The following TENM2 variants were observed in gnomAD, a reference collection of about 807,000 sequenced individuals.
TENM2 encodes the protein teneurin-2.
In TENM2, 52 loss-of-function variants were observed where a neutral mutation model predicts 245.2. That is an observed-to-expected ratio of 0.21 (90% CI 0.17 to 0.27). The LOEUF is 0.27. Ranked by LOEUF, TENM2 falls within the 10% of genes least tolerant of loss-of-function variation. The pLI is 1.00. For missense variants in TENM2, 3,046 were observed against 3,666.8 expected, an observed-to-expected ratio of 0.83 and a Z score of 4.37; for synonymous variants, 1,363 against 1,438.9, an observed-to-expected ratio of 0.95 and a Z score of 1.19.
rs529634855 is a variant in TENM2, at chr5:167,449,672, A to G, written c.502+74199A>G. Among the ~76,000 whole-genome samples, 4 of 152,198 alleles carry G rather than the reference A, an allele frequency of 2.6e-5. No individual in the cohort carries two copies. In the East Asian group the frequency reaches 7.7e-4, roughly 29 times the overall value. On this transcript the variant is annotated intron_variant, in intron 2 of 28. Transcript: ENST00000518659. Reference sequence around the variant, plus strand: ...GAATTTTATAATGAAAAGAAAAGAAATGGGGCCAGGTGCAGTGGCTCATGC... The same window carrying G: ...GAATTTTATAATGAAAAGAAAAGAAGTGGGGCCAGGTGCAGTGGCTCATGC...
At chr5:167,566,074 C>G (rs527869800) in intron 2 of TENM2, among the ~76,000 whole-genome samples, 1 of 152,212 alleles carries the variant, frequency 6.6e-6, no homozygotes, top group African/African-American at 2.4e-5. Context: ...GTTTTAGGAA[C>G]TAGCTCATGA....
chr5:167,939,216 G>A (rs1273382360), intron 3 of TENM2, among the ~76,000 whole-genome samples: 1 of 152,156 alleles, frequency 6.6e-6, no homozygotes, highest in Non-Finnish European at 1.5e-5. Context: ...ATGGTTTCGG[G>A]ATGAAACTGT....
At chr5:167,486,831 A>G (rs1342167309) in intron 2 of TENM2, among the ~76,000 whole-genome samples, 3 of 152,270 alleles carry the variant, frequency 2.0e-5, no homozygotes, top group South Asian at 4.1e-4. Flanking sequence ...ATGAGCTTTA[A>G]TCGAAGGACC....
intron 10 of TENM2, 28 bp from the exon 13 acceptor site, chr5:168,124,822 C>T: frequency 2.5e-6 from 4 of 1,577,404 alleles, no homozygotes; most frequent in Non-Finnish European, 1.7e-6. Context: ...TACTTTTATT[C>T]TTTGGTTTTT....
At chr5:167,335,005 T>G (rs2127798671) in intron 1 of TENM2, among the ~76,000 whole-genome samples, 1 of 152,340 alleles carries the variant, frequency 6.6e-6, no homozygotes, top group African/African-American at 2.4e-5. Context: ...ATTTTATTAA[T>G]AGCTTGGTTG....
chr5:167,543,440 TA>T (rs1189115616), intron 2 of TENM2, among the ~76,000 whole-genome samples: 2 of 152,174 alleles, frequency 1.3e-5, no homozygotes, highest in Non-Finnish European at 2.9e-5. Context: ...GGGATGGGAA[TA>T]ATTGTTCTGG....
At chr5:167,698,188 T>A (rs1757894337) in intron 2 of TENM2, among the ~76,000 whole-genome samples, 1 of 152,228 alleles carries the variant, frequency 6.6e-6, no homozygotes. Context: ...TAGTTTCTCC[T>A]TTACCAGTAA....
At chr5:167,912,522 A>G (rs1373070238) in intron 3 of TENM2, among the ~76,000 whole-genome samples, 1 of 152,128 alleles carries the variant, frequency 6.6e-6, no homozygotes, top group Non-Finnish European at 1.5e-5. Context: ...GACACATGTT[A>G]ACTGAATCAA....
intron 2 of TENM2, among the ~76,000 whole-genome samples, chr5:167,668,150 A>G (rs1181730543): frequency 6.6e-6 from 1 of 152,060 alleles, no homozygotes; most frequent in Non-Finnish European, 1.5e-5. Flanking sequence ...AAGTGAGCTG[A>G]ATGTGTATAC....
chr5:167,997,646 A>G (rs1356346392), intron 5 of TENM2, among the ~76,000 whole-genome samples: 2 of 152,230 alleles, frequency 1.3e-5, no homozygotes, highest in Non-Finnish European at 2.9e-5. Flanking sequence ...ATAAAATTTT[A>G]ATTATGCCCC....
intron 2 of TENM2, among the ~76,000 whole-genome samples, chr5:167,687,727 A>G (rs940369806): frequency 2.0e-5 from 3 of 152,222 alleles, no homozygotes; most frequent in African/African-American, 7.2e-5. Context: ...AATTTGGTAC[A>G]GCAAAAGGAA....
At chr5:168,220,302 G>GA (rs1258452298) in intron 23 of TENM2, among the ~76,000 whole-genome samples, 1 of 152,116 alleles carries the variant, frequency 6.6e-6, no homozygotes, top group Non-Finnish European at 1.5e-5. Flanking sequence ...GAAAGAGGGG[G>GA]AAAAAACATC....
chr5:168,134,447 AG>A (rs1754864630), intron 12 of TENM2, among the ~76,000 whole-genome samples: 1 of 152,162 alleles, frequency 6.6e-6, no homozygotes, highest in Non-Finnish European at 1.5e-5. Context: ...GCACTTTGGG[AG>A]GCCGAGGCGG....
intron 13 of TENM2, among the ~76,000 whole-genome samples, chr5:168,184,552 T>C (rs1760219358): frequency 6.6e-6 from 1 of 152,192 alleles, no homozygotes; most frequent in Admixed American, 6.5e-5. Context: ...TCCATTCAAA[T>C]TCTCTATAAG....
chr5:168,050,197 T>A lies in TENM2; in HGVS notation c.1309+2648T>A, dbSNP rs566870529. On this transcript the variant is annotated intron_variant, in intron 6 of 28. Transcript: ENST00000518659. ...GTGAGAATTTAAAATTGCTTAGAGA[T>A]GAAATAAAATTTGAAACTTAAAAAG... 2.6e-5 allele frequency among the ~76,000 whole-genome samples: 4 copies of A among 152,328 alleles called. No individual in the cohort carries two copies. In the South Asian group the frequency reaches 6.2e-4, roughly 24 times the overall value.
the TENM2 span, among the ~76,000 whole-genome samples, chr5:167,028,831 C>G: frequency 2.9e-3 from 435 of 152,094 alleles, 2 homozygotes; most frequent in Middle Eastern, 0.01. Context: ...CCCAAGCAGT[C>G]GAAGCTCTGC....
chr5:167,889,290 A>T (rs957883501), intron 3 of TENM2, among the ~76,000 whole-genome samples: 1 of 152,016 alleles, frequency 6.6e-6, no homozygotes. Context: ...TCTGCTTTTG[A>T]ATTGTGTTGA....
intron 2 of TENM2, among the ~76,000 whole-genome samples, chr5:167,857,636 G>A (rs766809884): frequency 2.6e-5 from 4 of 152,090 alleles, no homozygotes; most frequent in African/African-American, 9.7e-5. Flanking sequence ...GTTTTATCTT[G>A]AGAAAACCCA....
chr5:167,506,916 TAAATC>T (rs1769595316), intron 2 of TENM2, among the ~76,000 whole-genome samples: 2 of 152,344 alleles, frequency 1.3e-5, no homozygotes, highest in South Asian at 4.1e-4. Flanking sequence ...CTAAATTAAA[TAAATC>T]AATTTAATTT....
Sources: gnomAD v4.1 joint callset for allele counts (sites outside exome capture counted in the v4.1 genomes callset) on GRCh38, gnomAD v4.1.1 for gene constraint, MANE v1.5 for transcripts, NCBI Gene and HGNC (gene_info 2026-07-23, HGNC 2026-07-21) for gene names.